Variants in IRAG1 observed in about 807,000 individuals in gnomAD.
IRAG1 encodes IP3R-associated cGMP kinase substrate.
Under a neutral mutation model 106.2 loss-of-function variants are expected in IRAG1, and 62 were observed. The observed-to-expected ratio is 0.58, with a 90% CI of 0.48 to 0.72. The LOEUF is 0.72. IRAG1 is among the 30% of genes least tolerant of loss of function. IRAG1 has a pLI of 0.00. For synonymous variants in IRAG1, 462 were observed against 443.9 expected (o/e 1.04, Z -0.51); for missense variants, 1,064 against 1,140.7 (o/e 0.93, Z 0.97).
At chr11:10,604,337 G>A in intron 13 of IRAG1, 68 bp downstream of exon 13, 1 of 1,591,472 alleles carries the variant, frequency 6.3e-7, no homozygotes, top group Non-Finnish European at 8.6e-7. Context: ...AGAGAAGCAT[G>A]ACACCCTGTA....
chr11:10,625,427 G>A (rs953780694), intron 9 of IRAG1, among the ~76,000 whole-genome samples: 1 of 152,218 alleles, frequency 6.6e-6, no homozygotes, highest in African/African-American at 2.4e-5. Flanking sequence ...GCCAACAGAA[G>A]CTGAGGGGAC....
intron 15 of IRAG1, among the ~76,000 whole-genome samples, chr11:10,599,416 G>A (rs1180682848): frequency 6.6e-6 from 1 of 152,174 alleles, no homozygotes; most frequent in Non-Finnish European, 1.5e-5. Flanking sequence ...AGGAGTCCAC[G>A]CATTAGGATT....
intron 15 of IRAG1, chr11:10,599,643 A>ACTTT (rs1265548768): frequency 6.6e-6 from 1 of 152,166 alleles, no homozygotes; most frequent in African/African-American, 2.4e-5. Flanking sequence ...TACTTTCTGT[A>ACTTT]CTTTCCCTTC....
At chr11:10,650,000 G>A (rs1342959787) in intron 2 of IRAG1, among the ~76,000 whole-genome samples, 1 of 152,186 alleles carries the variant, frequency 6.6e-6, no homozygotes, top group African/African-American at 2.4e-5. Flanking sequence ...CCAGCAGAAG[G>A]ACCCATGAGG....
chr11:10,628,972 T>C lies in IRAG1; in HGVS notation c.575-144A>G. The C allele has an allele frequency of 4.0e-6, 3 of 756,900 alleles. No homozygotes were observed. The highest frequency in any genetic ancestry group is 3.1e-5 in the Admixed American group (1 of 32,666). The allele number at this position is 756,900 out of a possible 1,614,324, so 46.9% of individuals were successfully genotyped here. On this transcript the variant is annotated intron_variant, in intron 5 of 20. Coordinates refer to ENST00000423302, the MANE Select transcript of IRAG1 (RefSeq NM_130385.4). The surrounding 1 kb of genome is among the most constrained non-coding windows in gnomAD (Gnocchi z 4.1). ...GGGCTGATGCTGGACTGCAATATGATGCTCCTGTTACAGCCCAACCCCTCC... is the reference window on the plus strand; with the variant it reads ...GGGCTGATGCTGGACTGCAATATGACGCTCCTGTTACAGCCCAACCCCTCC...
intron 15 of IRAG1, among the ~76,000 whole-genome samples, chr11:10,594,908 G>A (rs988141937): frequency 3.9e-5 from 6 of 151,962 alleles, no homozygotes; most frequent in South Asian, 4.1e-4. Context: ...GCACATAGCC[G>A]TATGTGTTTT....
chr11:10,622,187 A>C (rs1457500595), intron 10 of IRAG1, among the ~76,000 whole-genome samples: 1 of 152,214 alleles, frequency 6.6e-6, no homozygotes, highest in Non-Finnish European at 1.5e-5. Flanking sequence ...ATACAAAAGA[A>C]AGTCAAGAAA....
chr11:10,633,945 A>G (rs1856937075), intron 3 of IRAG1, 23 bp downstream of exon 3: 2 of 1,447,780 alleles, frequency 1.4e-6, no homozygotes, highest in Non-Finnish European at 1.9e-6. Flanking sequence ...GTTTGTCACA[A>G]TGCAAGGATC....
At chr11:10,608,489 G>A (rs1430289695) in intron 11 of IRAG1, among the ~76,000 whole-genome samples, 2 of 152,098 alleles carry the variant, frequency 1.3e-5, no homozygotes, top group East Asian at 3.9e-4. Context: ...TGAGGACTCA[G>A]AGAAGTATGA....
chr11:10,582,871 G>A (rs1252382028), intron 18 of IRAG1, among the ~76,000 whole-genome samples: 4 of 152,166 alleles, frequency 2.6e-5, no homozygotes, highest in Non-Finnish European at 2.9e-5. Context: ...CAAGAGAATC[G>A]CTTGAGCCTG....
At chr11:10,600,749 C>A (rs1208834106) in intron 15 of IRAG1, among the ~76,000 whole-genome samples, 169 bp downstream of exon 15, 2 of 152,224 alleles carry the variant, frequency 1.3e-5, no homozygotes, top group Non-Finnish European at 2.9e-5. Context: ...GACTGCCCTG[C>A]CAGGCCCACT....
At chr11:10,677,057 C>G (rs1488451469) in intron 1 of IRAG1, among the ~76,000 whole-genome samples, 1 of 151,888 alleles carries the variant, frequency 6.6e-6, no homozygotes, top group East Asian at 1.9e-4. Flanking sequence ...TCAGATCCAC[C>G]TGCAAAGCTC....
At chr11:10,622,957 C>T (rs1855953786) in intron 10 of IRAG1, among the ~76,000 whole-genome samples, 1 of 150,212 alleles carries the variant, frequency 6.7e-6, no homozygotes. Context: ...TAGATAACAC[C>T]TGTCATGTAC....
chr11:10,688,011 A>G (rs1861790947), intron 1 of IRAG1, among the ~76,000 whole-genome samples: 1 of 152,062 alleles, frequency 6.6e-6, no homozygotes, highest in African/African-American at 2.4e-5. Flanking sequence ...CTCAAAGGAA[A>G]TGCTCACTGG....
intron 15 of IRAG1, among the ~76,000 whole-genome samples, chr11:10,595,546 C>G (rs1373112263): frequency 6.6e-6 from 1 of 152,102 alleles, no homozygotes; most frequent in Non-Finnish European, 1.5e-5. Context: ...ATATTGCTTT[C>G]CAGGATTTTT....
At position 10,581,968 on chromosome 11, in the gene IRAG1, G is replaced by A. The variant is rs1851436267; in HGVS notation, c.2259C>T (p.Asp753=). 6.2e-7 allele frequency: 1 copy of A among 1,613,476 alleles called. No homozygotes were observed. ...ALLENGKTNG[D]PDCEASAPAL... ...CAGGAGCAGAGGCTTCACAATCTGGGTCCCCATTTGTCTTTCCACTAGTGA... is the reference window on the plus strand; with the variant it reads ...CAGGAGCAGAGGCTTCACAATCTGGATCCCCATTTGTCTTTCCACTAGTGA... The change falls in exon 19 of 21, where the codon GAC becomes GAT. Residue 753 remains aspartate, a synonymous_variant. Coordinates refer to ENST00000423302, the MANE Select transcript of IRAG1 (RefSeq NM_130385.4).
At chr11:10,583,132 T>C (rs1423644438) in intron 18 of IRAG1, among the ~76,000 whole-genome samples, 1 of 152,240 alleles carries the variant, frequency 6.6e-6, no homozygotes, top group Non-Finnish European at 1.5e-5. Context: ...AAGTAGACAG[T>C]TGAATTCACC....
chr11:10,579,849 TC>T (rs1851216927), intron 20 of IRAG1, among the ~76,000 whole-genome samples: 1 of 152,168 alleles, frequency 6.6e-6, no homozygotes, highest in Non-Finnish European at 1.5e-5. Context: ...ATATTCTCCT[TC>T]CCCAACTTAG....
Position 10,604,406 on chromosome 11 carries a change from G to C in IRAG1, c.1742C>G (p.Thr581Arg). The change falls in exon 13 of 21, where the codon ACG (threonine) becomes AGG (arginine). Residue 581 changes from threonine to arginine, a missense_variant and splice_region_variant. By Grantham distance (71) the Thr-to-Arg change is moderately conservative. Transcript: ENST00000423302. ...CCTCACATCAGGCTCCACAATTACC[G>C]TAATGGAAGCTTTGAAGTTTTCCAG... The part of the protein sequence containing the change: ...KELENFKASI[T>R]SSASLWHHCE... The C allele has an allele frequency of 1.2e-6, 2 of 1,613,946 alleles. No homozygotes were observed. The highest frequency in any genetic ancestry group is 1.7e-6 in the Non-Finnish European group (2 of 1,179,872).
Sources: gnomAD v4.1 joint callset for allele counts (sites outside exome capture counted in the v4.1 genomes callset) on GRCh38, gnomAD v4.1.1 for gene constraint, Gnocchi (gnomAD v3.1) non-coding constraint, MANE v1.5 for transcripts, NCBI Gene and HGNC (gene_info 2026-07-23, HGNC 2026-07-21) for gene names.